PDE4B: variants seen among roughly 807,000 people sequenced by gnomAD.
PDE4B encodes the protein 3',5'-cyclic-AMP phosphodiesterase 4B.
In PDE4B, 20 loss-of-function variants were observed where a neutral mutation model predicts 82.2. The ratio of observed to expected loss-of-function variants is 0.24; its 90% CI spans 0.17 to 0.35. PDE4B has a LOEUF of 0.35. Among genes scored for constraint, PDE4B ranks in the 10% least tolerant of loss-of-function variants. The pLI is 1.00. For synonymous variants in PDE4B, 320 were observed against 318.9 expected, an observed-to-expected ratio of 1.00 and a Z score of -0.04; for missense variants, 655 against 907.2, an observed-to-expected ratio of 0.72 and a Z score of 3.57.
chr1:66,325,196 T>A (rs930443807), intron 7 of PDE4B, among the ~76,000 whole-genome samples: 4 of 152,182 alleles, frequency 2.6e-5, no homozygotes, highest in Non-Finnish European at 4.4e-5. Flanking sequence ...ACGTAAGACA[T>A]CTACAGGGCT....
intron 3 of PDE4B, among the ~76,000 whole-genome samples, chr1:65,927,031 G>T (rs1319812293): frequency 6.6e-6 from 1 of 152,074 alleles, no homozygotes; most frequent in African/African-American, 2.4e-5. Context: ...TCCTTCAAAT[G>T]TGAAGGAGAG....
intron 7 of PDE4B, among the ~76,000 whole-genome samples, chr1:66,278,113 A>T (rs1341564139): frequency 6.6e-6 from 1 of 152,254 alleles, no homozygotes; most frequent in African/African-American, 2.4e-5. Context: ...CTGTATGCTT[A>T]GTTCCTGGCA....
intron 3 of PDE4B, among the ~76,000 whole-genome samples, chr1:66,179,141 A>G (rs1647006959): frequency 6.6e-6 from 1 of 152,262 alleles, no homozygotes; most frequent in Admixed American, 6.5e-5. Context: ...GTGAGCCACC[A>G]TGCCCGGCCC....
chr1:66,047,699 T>A (rs1307782320), intron 3 of PDE4B, among the ~76,000 whole-genome samples: 1 of 151,976 alleles, frequency 6.6e-6, no homozygotes, highest in East Asian at 1.9e-4. Context: ...TGGGGCAATA[T>A]CCTTTCTATC....
intron 9 of PDE4B, chr1:66,360,288 T>G (rs1662651946): frequency 6.6e-6 from 1 of 152,062 alleles, no homozygotes; most frequent in Non-Finnish European, 1.5e-5. Flanking sequence ...GATAATTCCC[T>G]TGCTTCAGTC....
chr1:66,328,337 C>T (rs538373294), intron 7 of PDE4B, among the ~76,000 whole-genome samples: 60 of 152,276 alleles, frequency 3.9e-4, no homozygotes, highest in African/African-American at 1.2e-3. Context: ...ACTGCATGAC[C>T]ATACATGGTC....
At chr1:66,252,282 G>A (rs1391647058) in intron 4 of PDE4B, among the ~76,000 whole-genome samples, 2 of 152,138 alleles carry the variant, frequency 1.3e-5, no homozygotes, top group African/African-American at 4.8e-5. Flanking sequence ...GAGTCCTCTT[G>A]ATTGCAATGG....
chr1:66,273,665 G>C (rs977828734), intron 7 of PDE4B, among the ~76,000 whole-genome samples: 1 of 152,174 alleles, frequency 6.6e-6, no homozygotes. Context: ...AGCATCCCAA[G>C]TTCAAATACT....
At chr1:66,331,790 C>T (rs1436294587) in intron 7 of PDE4B, 13 of 985,290 alleles carry the variant, frequency 1.3e-5, no homozygotes, top group Admixed American at 6.1e-5. Flanking sequence ...GGCCAATAAA[C>T]GTGTTCACGT....
intron 1 of PDE4B, among the ~76,000 whole-genome samples, chr1:65,890,547 C>G (rs1646841804): frequency 6.6e-6 from 1 of 151,974 alleles, no homozygotes; most frequent in Non-Finnish European, 1.5e-5. Flanking sequence ...TTCTTAATCT[C>G]AATGTACTTT....
At chr1:65,981,557 T>G (rs1650690918) in intron 3 of PDE4B, among the ~76,000 whole-genome samples, 1 of 151,990 alleles carries the variant, frequency 6.6e-6, no homozygotes, top group South Asian at 2.1e-4. Flanking sequence ...TTTTTTTTTT[T>G]TTGCAATAAA....
chr1:66,221,996 T>C (rs1325040578), intron 3 of PDE4B, among the ~76,000 whole-genome samples: 1 of 152,198 alleles, frequency 6.6e-6, no homozygotes, highest in Non-Finnish European at 1.5e-5. Context: ...AAAGGTCTAT[T>C]ATCCCACATA....
intron 3 of PDE4B, among the ~76,000 whole-genome samples, chr1:66,102,476 A>G (rs866514435): frequency 6.6e-6 from 1 of 152,054 alleles, no homozygotes; most frequent in Admixed American, 6.6e-5. Flanking sequence ...AGTGAGCAGT[A>G]TTGTTGGTTT....
At chr1:66,268,667 C>CAAAAAAAAAAAAAAAAA (rs36046564) in intron 7 of PDE4B, among the ~76,000 whole-genome samples, 29 of 61,212 alleles carry the variant, frequency 4.7e-4, no homozygotes, top group South Asian at 7.4e-4. Flanking sequence ...GACTCCATCT[C>CAAAAAAAAAAAAAAAAA]AAAAAAAAAA....
intron 4 of PDE4B, among the ~76,000 whole-genome samples, chr1:66,248,600 T>G (rs557601466): frequency 1.3e-5 from 2 of 152,354 alleles, no homozygotes; most frequent in South Asian, 4.1e-4. Flanking sequence ...GGGCCCAAAT[T>G]CATTTTTCAG....
chr1:66,201,309 T>G (rs1407094608), intron 3 of PDE4B, among the ~76,000 whole-genome samples: 1 of 152,118 alleles, frequency 6.6e-6, no homozygotes, highest in Non-Finnish European at 1.5e-5. Context: ...AAAATTCTCT[T>G]TTTTGGTTGT....
intron 1 of PDE4B, among the ~76,000 whole-genome samples, chr1:65,902,875 C>T (rs1314090468): frequency 1.3e-5 from 2 of 152,078 alleles, no homozygotes; most frequent in Non-Finnish European, 2.9e-5. Flanking sequence ...CAAAACTAAA[C>T]AAAACAACCC....
At chr1:65,997,072 T>A (rs12087205) in intron 3 of PDE4B, among the ~76,000 whole-genome samples, 1 of 152,192 alleles carries the variant, frequency 6.6e-6, no homozygotes, top group South Asian at 2.1e-4. Flanking sequence ...TCTTTCATCA[T>A]TAGCAACTTG....
In PDE4B at chr1:66,348,262, G is replaced by T. The variant is rs536895514; in HGVS notation, c.748-7265G>T. On this transcript the variant is annotated intron_variant, in intron 8 of 16. Coordinates refer to ENST00000341517, the MANE Select transcript of PDE4B (RefSeq NM_002600.4). ...GAAAAAGTTGTAGAAAGGCTTAAAA[G>T]GAAAAACAAAAGAGTGACTGAATAA... Among the ~76,000 whole-genome samples the T allele has an allele frequency of 2.2e-4, 33 of 152,186 alleles. 1 individual carries two copies. The South Asian group carries it at 3.7e-3, about 17-fold the overall frequency.
Sources: gnomAD v4.1 joint callset for allele counts (sites outside exome capture counted in the v4.1 genomes callset) on GRCh38, gnomAD v4.1.1 for gene constraint, MANE v1.5 for transcripts, NCBI Gene and HGNC (gene_info 2026-07-23, HGNC 2026-07-21) for gene names.